Variants in TRMT61B observed in about 807,000 individuals in gnomAD.
The protein encoded by TRMT61B is tRNA (adenine(58)-N(1))-methyltransferase, mitochondrial.
TRMT61B carries 56 observed loss-of-function variants against 52.0 expected under a neutral mutation model. The ratio of observed to expected loss-of-function variants is 1.08; its 90% CI spans 0.87 to 1.35. The LOEUF (loss-of-function observed/expected upper bound fraction) is 1.35. Ranked by LOEUF, TRMT61B falls within the 40% of genes most tolerant of loss-of-function variation. The pLI, the probability that TRMT61B is intolerant of heterozygous loss-of-function variation, is 0.00. For synonymous variants in TRMT61B, 206 were observed against 220.0 expected, an observed-to-expected ratio of 0.94 and a Z score of 0.56; for missense variants, 650 against 577.9, an observed-to-expected ratio of 1.12 and a Z score of -1.28.
In TRMT61B at chr2:28,870,232, G is replaced by A. The variant is rs373046761; in HGVS notation, c.46C>T (p.Gln16Ter). 5.6e-6 allele frequency: 9 copies of A among 1,609,562 alleles called. No homozygotes were observed. The highest frequency in any genetic ancestry group is 1.6e-4 in the Middle Eastern group (1 of 6,068). Residue 16 changes from glutamine (Q) to a stop codon, truncating the protein, a stop_gained, in exon 1 of 7, where the codon CAG (glutamine) becomes TAG (stop). Transcript: ENST00000306108. LOFTEE classifies it high-confidence loss of function. ...CRGPVLLCLRQGLGTNSFLHG... is the reference protein window; with the variant it reads ...CRGPVLLCLR ...AGGAATGAATTGGTTCCGAGCCCCTGCCGCAGGCACAGCAAGACAGGACCG... is the reference window on the plus strand; with the variant it reads ...AGGAATGAATTGGTTCCGAGCCCCTACCGCAGGCACAGCAAGACAGGACCG...
At chr2:28,862,864 T>TTGTG (rs34139201) in intron 2 of TRMT61B, among the ~76,000 whole-genome samples, 11,347 of 143,920 alleles carry the variant, frequency 0.079, 548 homozygotes, top group Non-Finnish European at 0.12. Context: ...GTATTTGTAT[T>TTGTG]TGTGTGTGTG....
chr2:28,862,411 C>T (rs1269740394), intron 2 of TRMT61B, among the ~76,000 whole-genome samples: 2 of 145,042 alleles, frequency 1.4e-5, no homozygotes, highest in Non-Finnish European at 3.0e-5. Flanking sequence ...CAGCTCACGG[C>T]AACCCCCACC....
chr2:28,854,543 C>G (rs966659640), intron 3 of TRMT61B, among the ~76,000 whole-genome samples: 1 of 151,988 alleles, frequency 6.6e-6, no homozygotes, highest in African/African-American at 2.4e-5. Flanking sequence ...AGTTCAAGAC[C>G]AGCCTGGCCA....
intron 3 of TRMT61B, among the ~76,000 whole-genome samples, chr2:28,852,835 C>G (rs978655014): frequency 5.9e-5 from 9 of 151,896 alleles, no homozygotes; most frequent in South Asian, 4.2e-4. Flanking sequence ...GGCACAAGCC[C>G]GTAGTACCAG....
intron 3 of TRMT61B, among the ~76,000 whole-genome samples, chr2:28,860,263 C>A (rs1469146504): frequency 2.5e-5 from 2 of 79,400 alleles, no homozygotes; most frequent in Non-Finnish European, 4.5e-5. Flanking sequence ...CAGAATGAGA[C>A]TCTGTTGCCA....
chr2:28,854,726 G>A (rs1280471752), intron 3 of TRMT61B, among the ~76,000 whole-genome samples: 15 of 129,904 alleles, frequency 1.2e-4, no homozygotes, highest in East Asian at 5.3e-4. Flanking sequence ...GCGACAGAGC[G>A]AGACTCCGTC....
At chr2:28,850,534 T>C (rs1669041316) in intron 5 of TRMT61B, 129 bp from the exon 6 acceptor site, 1 of 631,362 alleles carries the variant, frequency 1.6e-6, no homozygotes, top group African/African-American at 1.8e-5. Context: ...GCATATGTTT[T>C]AGAGCTACTC....
At position 28,852,480 on chromosome 2, in the gene TRMT61B, T is replaced by G; in HGVS notation, c.1013A>C (p.Asn338Thr). 6.2e-7 allele frequency: 1 copy of G among 1,611,740 alleles called. No individual in the cohort carries two copies. Among genetic ancestry groups the G allele is most frequent in the South Asian group, 1.1e-5 (1 of 90,840 alleles). Residue 338 changes from asparagine to threonine, a missense_variant, in exon 4 of 7, where the codon AAT (asparagine) becomes ACT (threonine). Asn to Thr is a moderately conservative substitution (Grantham distance 65). Transcript: ENST00000306108. Reference sequence around the variant, plus strand: ...AAAAACAGGCAAAGTAACATGAGGATTTAACATATCCAAAGCTACCTGTGT... The same window carrying G: ...AAAAACAGGCAAAGTAACATGAGGAGTTAACATATCCAAAGCTACCTGTGT... ...TFDAVALDML[N>T]PHVTLPVFYP...
At chr2:28,851,012 T>C in intron 5 of TRMT61B, 60 bp downstream of exon 5, 1 of 1,079,772 alleles carries the variant, frequency 9.3e-7, no homozygotes, top group Non-Finnish European at 1.3e-6. Flanking sequence ...TATTGGTCAG[T>C]ATACTCAGGA....
intron 3 of TRMT61B, among the ~76,000 whole-genome samples, chr2:28,858,370 AT>A (rs1166508943): frequency 1.3e-5 from 2 of 150,150 alleles, no homozygotes; most frequent in Admixed American, 6.6e-5. Context: ...TCTTTTTTCT[AT>A]TTTTTTTAAT....
chr2:28,864,350 TCCAACTCAAA>T (rs1669736756), intron 2 of TRMT61B, among the ~76,000 whole-genome samples: 1 of 152,018 alleles, frequency 6.6e-6, no homozygotes, highest in Admixed American at 6.6e-5. Context: ...ATTTGTAATA[TCCAACTCAAA>T]TGTCTATCAA....
chr2:28,858,885 T>C (rs1669469577), intron 3 of TRMT61B, among the ~76,000 whole-genome samples: 2 of 151,166 alleles, frequency 1.3e-5, no homozygotes, highest in South Asian at 4.2e-4. Flanking sequence ...TACATACATA[T>C]TTGTTTATTT....
chr2:28,861,564 A>G (rs1218680339), intron 2 of TRMT61B: 2 of 418,018 alleles, frequency 4.8e-6, no homozygotes, highest in Non-Finnish European at 4.3e-6. Flanking sequence ...TGTGTTTTTA[A>G]TACACACTGT....
At chr2:28,861,582 T>C (rs1669598946) in intron 2 of TRMT61B, 2 of 352,732 alleles carry the variant, frequency 5.7e-6, no homozygotes, top group East Asian at 5.6e-5. Flanking sequence ...TGTGGTGTAT[T>C]ATACACACTG....
At chr2:28,850,865 TA>T (rs910631693) in intron 5 of TRMT61B, among the ~76,000 whole-genome samples, 1 of 152,204 alleles carries the variant, frequency 6.6e-6, no homozygotes, top group Non-Finnish European at 1.5e-5. Flanking sequence ...ATGAATATTA[TA>T]AAAAGCTCAA....
intron 3 of TRMT61B, among the ~76,000 whole-genome samples, chr2:28,853,316 C>T (rs1172371581): frequency 6.6e-6 from 1 of 151,988 alleles, no homozygotes; most frequent in Non-Finnish European, 1.5e-5. Flanking sequence ...GCTGAGACTA[C>T]AGGCAGGCGC....
At chr2:28,865,841 C>T (rs376039774) in intron 1 of TRMT61B, among the ~76,000 whole-genome samples, 89 of 151,212 alleles carry the variant, frequency 5.9e-4, no homozygotes, top group African/African-American at 1.5e-3. Flanking sequence ...CCACCATGCC[C>T]GGCTAATTTT....
Position 28,870,081 on chromosome 2 carries a change from G to A in TRMT61B, c.197C>T (p.Ser66Phe). Residue 66 changes from serine to phenylalanine, a missense_variant, in exon 1 of 7, where the codon TCT (serine) becomes TTT (phenylalanine). Transcript: ENST00000306108. Reference protein sequence around the residue: ...AAQRKAPGAESCPSLPLSISD... With the variant: ...AAQRKAPGAEFCPSLPLSISD... ...GATGCTCAGAGGGAGAGATGGGCAA[G>A]ACTCTGCTCCTGGGGCTTTCCTTTG... is the stretch of plus-strand genomic sequence containing the variant. 2.5e-6 allele frequency: 4 copies of A among 1,613,976 alleles called. No individual in the cohort carries two copies. Among genetic ancestry groups the A allele is most frequent in the Non-Finnish European group, 3.4e-6 (4 of 1,179,994 alleles).
chr2:28,868,115 T>G (rs1399427790), intron 1 of TRMT61B, among the ~76,000 whole-genome samples: 1 of 152,158 alleles, frequency 6.6e-6, no homozygotes, highest in Non-Finnish European at 1.5e-5. Context: ...TTTTAGTCCC[T>G]GGGTAGACCG....
Sources: gnomAD v4.1 joint callset for allele counts (sites outside exome capture counted in the v4.1 genomes callset) on GRCh38, gnomAD v4.1.1 for gene constraint, MANE v1.5 for transcripts, NCBI Gene and HGNC (gene_info 2026-07-23, HGNC 2026-07-21) for gene names.